The following SMCO1 variants were observed in gnomAD, a reference collection of about 807,000 sequenced individuals.
SMCO1 encodes the protein single-pass membrane protein with coiled-coil domains 1, also known as single-pass membrane and coiled-coil domain-containing protein 1.
Under a neutral mutation model 7.5 loss-of-function variants are expected in SMCO1, and 9 were observed. That is an observed-to-expected ratio of 1.20 (90% CI 0.72 to 2.09). SMCO1 has a LOEUF of 2.09. SMCO1 is among the 30% of genes most tolerant of loss of function. The pLI is 0.00. For missense variants in SMCO1, 219 were observed against 253.1 expected (o/e 0.87, Z 0.91); for synonymous variants, 90 against 93.8 (o/e 0.96, Z 0.23).
chr3:196,509,733 G>A, intron 1 of SMCO1, 64 bp from the exon 2 acceptor site: 1 of 1,400,100 alleles, frequency 7.1e-7, no homozygotes, highest in Non-Finnish European at 9.7e-7. Flanking sequence ...TTTGATTTAA[G>A]CTGAGGCTCT....
chr3:196,510,683 T>G (rs886512705), intron 1 of SMCO1, among the ~76,000 whole-genome samples: 1 of 152,144 alleles, frequency 6.6e-6, no homozygotes, highest in Non-Finnish European at 1.5e-5. Context: ...TACCTGGTGA[T>G]CTCCTTGCCC....
intron 1 of SMCO1, among the ~76,000 whole-genome samples, chr3:196,513,794 C>T (rs1733313314): frequency 6.6e-6 from 1 of 152,174 alleles, no homozygotes; most frequent in Admixed American, 6.5e-5. Flanking sequence ...TTGGAATCCT[C>T]TCACCAAAGG....
chr3:196,514,805 G>A (rs1733338870), intron 1 of SMCO1, among the ~76,000 whole-genome samples: 1 of 152,106 alleles, frequency 6.6e-6, no homozygotes, highest in African/African-American at 2.4e-5. Context: ...GCAGTGGCAC[G>A]ATCTCGGCTC....
At chr3:196,514,929 G>T (rs752691449) in intron 1 of SMCO1, among the ~76,000 whole-genome samples, 3 of 152,020 alleles carry the variant, frequency 2.0e-5, no homozygotes, top group Non-Finnish European at 2.9e-5. Flanking sequence ...TTTAGTAGAG[G>T]CAGGGTTTCA....
rs1256555515 is a variant in SMCO1 at position 196,509,604 on chromosome 3, A to G, written c.116T>C (p.Leu39Pro). Reference sequence around the variant, plus strand: ...ACTATGATGTTCGAATTTCTGCATCAGGTTATCCTTGGTGAAGTCTAGTTC... The same window carrying G: ...ACTATGATGTTCGAATTTCTGCATCGGGTTATCCTTGGTGAAGTCTAGTTC... ...FKELDFTKDN[L>P]MQKFEHHSKA... The change falls in exon 2 of 3, where the codon CTG becomes CCG. Residue 39 changes from leucine to proline, a missense_variant. Leu to Pro is a moderately conservative substitution (Grantham distance 98). Transcript: ENST00000397537. 1 of 1,614,080 alleles carries G rather than the reference A, an allele frequency of 6.2e-7. No individual in the cohort carries two copies. The highest frequency in any genetic ancestry group is 8.5e-7 in the Non-Finnish European group (1 of 1,179,992).
chr3:196,513,200 C>T (rs1271974782), intron 1 of SMCO1, among the ~76,000 whole-genome samples: 1 of 151,904 alleles, frequency 6.6e-6, no homozygotes, highest in Admixed American at 6.6e-5. Context: ...TGGTGGTGTG[C>T]ACACTTGTGG....
chr3:196,515,988 GATATATATATATATATATATATATATAT>G (rs200613159), upstream of SMCO1, among the ~76,000 whole-genome samples: 20 of 23,894 alleles, frequency 8.4e-4, no homozygotes, highest in East Asian at 7.2e-3. Flanking sequence ...AAGAGGATAG[GATATATATATATATATATATATATATAT>G]ATATATATAT....
chr3:196,511,980 G>C lies in SMCO1; in HGVS notation c.51-2311C>G, dbSNP rs567857222. ...GAAACTTGCCTGAGCCACCTAGATT[G>C]TTGTTATGAGGGAAACCTGCCTCGG... On this transcript the variant is annotated intron_variant, in intron 1 of 2. Transcript: ENST00000397537. Among the ~76,000 whole-genome samples the C allele has an allele frequency of 1.8e-4, 25 of 140,028 alleles. 4 individuals are homozygous for C. The highest frequency in any genetic ancestry group is 7.3e-4 in the African/African-American group (23 of 31,340). The allele number at this position is 140,028 out of a possible 152,430, so 91.9% of individuals were successfully genotyped here.
chr3:196,516,004 TATATATA>T, upstream of SMCO1, among the ~76,000 whole-genome samples: 1 of 86,934 alleles, frequency 1.2e-5, no homozygotes, highest in African/African-American at 1.1e-4. Flanking sequence ...TATATATATA[TATATATA>T]TATATATATA....
At chr3:196,514,577 A>G (rs147049552) in intron 1 of SMCO1, among the ~76,000 whole-genome samples, 7 of 152,272 alleles carry the variant, frequency 4.6e-5, no homozygotes, top group African/African-American at 1.7e-4. Context: ...TCTCTTTCCT[A>G]CAGGCTGTGA....
chr3:196,511,405 C>A (rs186917116), intron 1 of SMCO1, among the ~76,000 whole-genome samples: 14 of 113,298 alleles, frequency 1.2e-4, no homozygotes, highest in African/African-American at 6.0e-4. Flanking sequence ...TGAGGGAAAC[C>A]TGCCTGGGCC....
chr3:196,508,385 C>G, intron 2 of SMCO1, 54 bp from the exon 3 acceptor site: 2 of 1,452,186 alleles, frequency 1.4e-6, no homozygotes, highest in Middle Eastern at 2.2e-4. Flanking sequence ...TATATAGAAA[C>G]AGAAAATGAA....
At chr3:196,517,618 C>A (rs940812910), upstream of SMCO1, among the ~76,000 whole-genome samples, 7 of 150,820 alleles carry the variant, frequency 4.6e-5, no homozygotes, top group Non-Finnish European at 1.0e-4. Flanking sequence ...CTAACAGCAC[C>A]CCCCTGTGCC....
upstream of SMCO1, among the ~76,000 whole-genome samples, chr3:196,516,110 TA>T (rs1461539333): frequency 5.8e-4 from 83 of 143,680 alleles, no homozygotes; most frequent in Middle Eastern, 3.6e-3. Flanking sequence ...TAATTTTATA[TA>T]ATTATATATA....
At position 196,509,663 on chromosome 3, in the gene SMCO1, G is replaced by T. The variant is rs533886995; in HGVS notation, c.57C>A (p.Asp19Glu). ...GTGTTTCTAACGCTTGGAGTTTGTG[G>T]TCTACTCTGTAGGATAACAGAATCA... The part of the protein sequence containing the change: ...ISLKEAMKRV[D>E]HKLQALETQF... Residue 19 changes from aspartate to glutamate, a missense_variant, in exon 2 of 3, where the codon GAC (aspartate) becomes GAA (glutamate). Transcript: ENST00000397537. 5.6e-6 allele frequency: 9 copies of T among 1,613,746 alleles called. No individual in the cohort carries two copies. The East Asian group carries it at 1.8e-4, about 32-fold the overall frequency.
rs978726802 is a variant in SMCO1, at chr3:196,507,560, A to T, written c.*327T>A. The T allele has an allele frequency of 3.3e-5, 5 of 152,780 alleles. No individual in the cohort carries two copies. Among genetic ancestry groups the T allele is most frequent in the African/African-American group, 9.7e-5 (4 of 41,410 alleles). The allele number at this position is 152,780 out of a possible 1,614,324, so 9.5% of individuals were successfully genotyped here. ...CTGTCTTGTGTATCTCTGCAGAAGA[A>T]GTTTATGGATATGTAAACTAATATG... is the stretch of plus-strand genomic sequence containing the variant. On this transcript the variant is annotated 3_prime_UTR_variant, in exon 3 of 3. Coordinates refer to ENST00000397537, the MANE Select transcript of SMCO1 (RefSeq NM_001077657.3).
upstream of SMCO1, among the ~76,000 whole-genome samples, chr3:196,519,487 C>A (rs1733452318): frequency 1.3e-5 from 2 of 152,176 alleles, no homozygotes; most frequent in Admixed American, 6.5e-5. Context: ...CCTCTGCAGC[C>A]AAATTTTAGT....
At chr3:196,508,432 A>G in intron 2 of SMCO1, 101 bp from the exon 3 acceptor site, 1 of 846,598 alleles carries the variant, frequency 1.2e-6, no homozygotes, top group Non-Finnish European at 1.7e-6. Flanking sequence ...CCACTAGGAG[A>G]ACCAGCTGTT....
rs1021130577 is a variant in SMCO1, at chr3:196,509,810, T to C, written c.51-141A>G. ...TTTTTTTTACTTTTACTTTAAACTA[T>C]GAAGGGAAAATGGGTAGCTATTTGA... On this transcript the variant is annotated intron_variant, in intron 1 of 2. Transcript: ENST00000397537. 13 of 641,812 alleles carry C rather than the reference T, an allele frequency of 2.0e-5. No individual in the cohort carries two copies. In the Admixed American group the frequency reaches 2.5e-4, roughly 12 times the overall value. 39.8% of individuals were successfully genotyped at this position (641,812 alleles called of 1,614,324 possible).
Sources: gnomAD v4.1 joint callset for allele counts (sites outside exome capture counted in the v4.1 genomes callset) on GRCh38, gnomAD v4.1.1 for gene constraint, MANE v1.5 for transcripts, NCBI Gene and HGNC (gene_info 2026-07-23, HGNC 2026-07-21) for gene names.